KIF16B: variants seen among roughly 807,000 people sequenced by gnomAD.
KIF16B encodes kinesin family member 16B.
A neutral mutation model predicts 156.3 loss-of-function variants in KIF16B; 98 were observed. The ratio of observed to expected loss-of-function variants is 0.63; its 90% CI spans 0.53 to 0.74. The LOEUF is 0.74. Ranked by LOEUF, KIF16B falls within the 30% of genes least tolerant of loss-of-function variation. The pLI, the probability that KIF16B is intolerant of heterozygous loss-of-function variation, is 0.00. For missense variants in KIF16B, 1,421 were observed against 1,606.5 expected (o/e 0.88, Z 1.97); for synonymous variants, 564 against 583.7 (o/e 0.97, Z 0.49).
chr20:16,564,654 A>G (rs894035670), intron 1 of KIF16B, among the ~76,000 whole-genome samples: 13 of 143,574 alleles, frequency 9.1e-5, no homozygotes, highest in Admixed American at 9.0e-4. Flanking sequence ...CCTAAAACTT[A>G]AAGTATAATA....
intron 1 of KIF16B, among the ~76,000 whole-genome samples, chr20:16,547,134 T>C (rs998247451): frequency 6.6e-6 from 1 of 152,210 alleles, no homozygotes; most frequent in Non-Finnish European, 1.5e-5. Context: ...ACATACAGAC[T>C]GTCCCACCTA....
chr20:16,278,364 T>A (rs750866219), intron 25 of KIF16B, among the ~76,000 whole-genome samples: 1 of 152,214 alleles, frequency 6.6e-6, no homozygotes, highest in African/African-American at 2.4e-5. Context: ...TTAAGAATAA[T>A]AAGAAATATA....
chr20:16,484,543 T>C (rs2068064683), intron 12 of KIF16B, among the ~76,000 whole-genome samples: 1 of 152,198 alleles, frequency 6.6e-6, no homozygotes, highest in Non-Finnish European at 1.5e-5. Flanking sequence ...GTTGACAAAT[T>C]AACAACTGCA....
intron 25 of KIF16B, among the ~76,000 whole-genome samples, chr20:16,276,844 C>T (rs1367754430): frequency 1.3e-5 from 2 of 152,212 alleles, no homozygotes; most frequent in Non-Finnish European, 2.9e-5. Flanking sequence ...TGAGAGGAAA[C>T]CTTGCTGATT....
chr20:16,514,605 A>AAC (rs1031863277), intron 4 of KIF16B, among the ~76,000 whole-genome samples: 1 of 149,276 alleles, frequency 6.7e-6, no homozygotes, highest in African/African-American at 2.5e-5. Context: ...AAAAAAAAAA[A>AAC]ACAGGCCAGG....
intron 1 of KIF16B, among the ~76,000 whole-genome samples, chr20:16,568,819 C>CAAAA (rs57421025): frequency 3.6e-5 from 2 of 55,510 alleles, no homozygotes; most frequent in Admixed American, 2.4e-4. Context: ...GACCCTGTCT[C>CAAAA]AAAAAAAAAA....
At chr20:16,315,457 G>A (rs1236998025) in intron 24 of KIF16B, among the ~76,000 whole-genome samples, 1 of 152,208 alleles carries the variant, frequency 6.6e-6, no homozygotes, top group African/African-American at 2.4e-5. Flanking sequence ...AAAGCTGTAA[G>A]GAGCGTCTGC....
intron 10 of KIF16B, among the ~76,000 whole-genome samples, chr20:16,501,128 A>G (rs1237775806): frequency 6.6e-6 from 1 of 151,994 alleles, no homozygotes; most frequent in East Asian, 1.9e-4. Context: ...AAATTATTCT[A>G]TGATTCTGGT....
At chr20:16,491,853 G>A (rs2068302624) in intron 12 of KIF16B, among the ~76,000 whole-genome samples, 1 of 152,158 alleles carries the variant, frequency 6.6e-6, no homozygotes. Flanking sequence ...CGCAGGGCAA[G>A]GGAAGCCACC....
chr20:16,381,606 G>A, intron 18 of KIF16B, 88 bp downstream of exon 18: 3 of 923,682 alleles, frequency 3.2e-6, no homozygotes, highest in Non-Finnish European at 5.0e-6. Flanking sequence ...GGGAAGTATT[G>A]AAGCAGACAC....
At chr20:16,418,250 A>G (rs1219832060) in intron 15 of KIF16B, among the ~76,000 whole-genome samples, 1 of 152,154 alleles carries the variant, frequency 6.6e-6, no homozygotes, top group Non-Finnish European at 1.5e-5. Context: ...CCAAGAAACT[A>G]ACTCCAGTAT....
At chr20:16,526,894 T>A (rs903596701) in intron 2 of KIF16B, among the ~76,000 whole-genome samples, 4 of 152,176 alleles carry the variant, frequency 2.6e-5, no homozygotes, top group African/African-American at 9.7e-5. Flanking sequence ...ATAAAAAAAT[T>A]GTTATGATTC....
At chr20:16,551,132 C>CTTTTTT (rs11474777) in intron 1 of KIF16B, among the ~76,000 whole-genome samples, 2 of 139,136 alleles carry the variant, frequency 1.4e-5, no homozygotes, top group African/African-American at 5.3e-5. Flanking sequence ...GCTTTCTCTT[C>CTTTTTT]TTTTTTTTTT....
At chr20:16,428,763 CATTT>C (rs1317388180) in intron 14 of KIF16B, among the ~76,000 whole-genome samples, 186 bp downstream of exon 14, 2 of 152,124 alleles carry the variant, frequency 1.3e-5, no homozygotes, top group African/African-American at 4.8e-5. Flanking sequence ...CTGCATTATT[CATTT>C]GAGTTGTATT....
chr20:16,491,997 C>G (rs1376373944), intron 12 of KIF16B, among the ~76,000 whole-genome samples: 2 of 152,130 alleles, frequency 1.3e-5, no homozygotes, highest in Non-Finnish European at 2.9e-5. Flanking sequence ...TTCTCCCCAC[C>G]CACTGACTTC....
intron 1 of KIF16B, among the ~76,000 whole-genome samples, chr20:16,544,446 C>T (rs2147250163): frequency 6.6e-6 from 1 of 151,978 alleles, no homozygotes; most frequent in Non-Finnish European, 1.5e-5. Flanking sequence ...CCCGTCTCTA[C>T]TAAAAATACA....
intron 12 of KIF16B, among the ~76,000 whole-genome samples, chr20:16,473,492 T>G (rs1375017530): frequency 2.0e-5 from 3 of 152,164 alleles, no homozygotes; most frequent in African/African-American, 7.2e-5. Flanking sequence ...TGCAAGTTAT[T>G]AAATGAATGT....
At chr20:16,393,067 TA>T (rs921061197) in intron 17 of KIF16B, among the ~76,000 whole-genome samples, 1 of 152,176 alleles carries the variant, frequency 6.6e-6, no homozygotes, top group African/African-American at 2.4e-5. Flanking sequence ...ATTAAATGTT[TA>T]AAAAAAGTAG....
intron 22 of KIF16B, among the ~76,000 whole-genome samples, chr20:16,360,616 G>A (rs575176449): frequency 6.6e-6 from 1 of 152,190 alleles, no homozygotes; most frequent in African/African-American, 2.4e-5. Flanking sequence ...TAGATAATTG[G>A]TAACTTGAAT....
Sources: allele counts gnomAD v4.1 joint callset (sites outside exome capture counted in the v4.1 genomes callset), GRCh38; gene constraint gnomAD v4.1.1; transcripts MANE v1.5; gene names NCBI Gene and HGNC (gene_info 2026-07-23, HGNC 2026-07-21).